Variants in DCDC1 observed in about 807,000 individuals in gnomAD.
DCDC1 encodes the protein doublecortin domain-containing protein 1.
Under a neutral mutation model 178.3 loss-of-function variants are expected in DCDC1, and 200 were observed. That is an observed-to-expected ratio of 1.12 (90% confidence interval 1.00 to 1.26). DCDC1 has a LOEUF of 1.26. Ranked by LOEUF, DCDC1 falls within the 50% of genes most tolerant of loss-of-function variation. DCDC1 has a pLI of 0.00. For synonymous variants in DCDC1, 690 were observed against 604.8 expected (o/e 1.14, Z -2.07); for missense variants, 1,983 against 1,749.2 (o/e 1.13, Z -2.38).
intron 9 of DCDC1, among the ~76,000 whole-genome samples, chr11:31,166,624 C>G (rs1190351167): frequency 6.6e-6 from 1 of 151,420 alleles, no homozygotes; most frequent in African/African-American, 2.4e-5. Flanking sequence ...ATATGTGGGT[C>G]ATCATTTTTT....
At chr11:31,293,747 G>A (rs77130962) in intron 6 of DCDC1, among the ~76,000 whole-genome samples, 162 of 152,228 alleles carry the variant, frequency 1.1e-3, no homozygotes, top group African/African-American at 3.7e-3. Flanking sequence ...ATTTACAGTT[G>A]AGAAAACTGA....
chr11:31,263,359 A>T (rs577268923), intron 8 of DCDC1, among the ~76,000 whole-genome samples: 104 of 152,176 alleles, frequency 6.8e-4, no homozygotes, highest in Non-Finnish European at 1.0e-3. Flanking sequence ...ACAAAAATGC[A>T]AGAAAGAAAG....
rs11407483 is a variant in DCDC1 at position 31,310,308 on chromosome 11, A to ATTTTTTTTTTT, written c.165-2411_165-2401dup. ...GAGGACAGGTTTTCAGTAATTCTTG[A>ATTTTTTTTTTT]TTTTTTTTTTTTTTTTTTTTTTTTT... On this transcript the variant is annotated intron_variant, in intron 3 of 38. Transcript: ENST00000684477. 2.0e-4 allele frequency among the ~76,000 whole-genome samples: 11 copies of ATTTTTTTTTTT among 53,882 alleles called. 1 individual carries two copies. The highest frequency in any genetic ancestry group is 7.7e-4 in the African/African-American group (9 of 11,730). The allele number at this position is 53,882 out of a possible 152,430, so 35.3% of individuals were successfully genotyped here.
At chr11:31,182,033 C>T (rs1249486345) in intron 9 of DCDC1, among the ~76,000 whole-genome samples, 1 of 151,912 alleles carries the variant, frequency 6.6e-6, no homozygotes. Flanking sequence ...GTGAAAACAA[C>T]ATTACAGAAA....
chr11:31,239,443 T>A (rs541259116), intron 9 of DCDC1, among the ~76,000 whole-genome samples: 4 of 152,086 alleles, frequency 2.6e-5, no homozygotes, highest in Non-Finnish European at 4.4e-5. Context: ...TAAGTCTTAA[T>A]ATAACACTAC....
intron 9 of DCDC1, among the ~76,000 whole-genome samples, chr11:31,185,637 G>C (rs1029040860): frequency 1.3e-5 from 2 of 152,108 alleles, no homozygotes; most frequent in African/African-American, 4.8e-5. Context: ...AAAACAATAT[G>C]TCAAAACCTG....
At chr11:30,958,598 G>A (rs970231297) in intron 20 of DCDC1, among the ~76,000 whole-genome samples, 5 of 152,104 alleles carry the variant, frequency 3.3e-5, no homozygotes, top group African/African-American at 1.2e-4. Flanking sequence ...CTAAGGATCA[G>A]TATATGCAAT....
intron 20 of DCDC1, among the ~76,000 whole-genome samples, chr11:31,009,009 C>T (rs537343566): frequency 4.4e-4 from 67 of 152,022 alleles, no homozygotes; most frequent in African/African-American, 1.5e-3. Context: ...TAATTACTCC[C>T]CTATTCAGGG....
intron 9 of DCDC1, among the ~76,000 whole-genome samples, chr11:31,182,609 A>T (rs181799278): frequency 6.6e-6 from 1 of 152,118 alleles, no homozygotes; most frequent in Non-Finnish European, 1.5e-5. Context: ...AACAACAACA[A>T]CAACAACAAC....
chr11:31,145,914 C>A (rs950594445), intron 9 of DCDC1, among the ~76,000 whole-genome samples: 4 of 152,098 alleles, frequency 2.6e-5, no homozygotes, highest in Admixed American at 2.0e-4. Flanking sequence ...CTTAGTCTAT[C>A]AATACATTAC....
intron 9 of DCDC1, among the ~76,000 whole-genome samples, chr11:31,198,476 AC>A (rs1970942561): frequency 6.6e-6 from 1 of 152,078 alleles, no homozygotes; most frequent in Non-Finnish European, 1.5e-5. Context: ...TGAGAAAATA[AC>A]AGCAGGCCAC....
chr11:30,932,744 C>T (rs1326884795), intron 21 of DCDC1, among the ~76,000 whole-genome samples: 1 of 151,972 alleles, frequency 6.6e-6, no homozygotes, highest in Non-Finnish European at 1.5e-5. Context: ...CTGAAGCCTT[C>T]GTAGGAGTTA....
intron 29 of DCDC1, among the ~76,000 whole-genome samples, chr11:30,907,827 GT>G (rs1945174770): frequency 6.6e-6 from 1 of 152,230 alleles, no homozygotes; most frequent in Non-Finnish European, 1.5e-5. Flanking sequence ...CAAAAAATGG[GT>G]TTTTTATTTA....
At chr11:31,262,154 C>T (rs543564382) in intron 8 of DCDC1, among the ~76,000 whole-genome samples, 1 of 152,118 alleles carries the variant, frequency 6.6e-6, no homozygotes, top group South Asian at 2.1e-4. Flanking sequence ...GTAATCCCAG[C>T]TACTGGAGAG....
At chr11:31,295,275 T>C (rs987635971) in intron 6 of DCDC1, among the ~76,000 whole-genome samples, 4 of 152,218 alleles carry the variant, frequency 2.6e-5, no homozygotes, top group African/African-American at 7.2e-5. Flanking sequence ...AGCTCTTTTT[T>C]TCTGAGTATT....
chr11:30,888,775 T>C (rs273575), intron 36 of DCDC1, among the ~76,000 whole-genome samples: 18,288 of 152,244 alleles, frequency 0.12, 1,214 homozygotes, highest in Admixed American at 0.2. Context: ...ATTCTGTTTT[T>C]CAAATGTATC....
chr11:30,950,272 T>C (rs1948339895), intron 21 of DCDC1, among the ~76,000 whole-genome samples: 1 of 152,198 alleles, frequency 6.6e-6, no homozygotes, highest in Non-Finnish European at 1.5e-5. Flanking sequence ...ACAGCCATTA[T>C]GGAGAACAGT....
rs550461554 is a variant in DCDC1, at chr11:31,128,973, A to G, written c.1315-1334T>C. 1.3e-4 allele frequency among the ~76,000 whole-genome samples: 18 copies of G among 138,340 alleles called. 1 individual carries two copies. The South Asian group carries it at 1.8e-3, about 14-fold the overall frequency. The allele number at this position is 138,340 out of a possible 152,430, so 90.8% of individuals were successfully genotyped here. A position where few individuals can be genotyped will look rare whatever the true frequency, so the allele number is the denominator to read the frequency against. On this transcript the variant is annotated intron_variant, in intron 10 of 38. Coordinates refer to ENST00000684477, the MANE Select transcript of DCDC1 (RefSeq NM_001387274.1). Reference sequence around the variant, plus strand: ...TGTGTAGATCCTACAGCTCATTTCAATATTCACAGATAAAATGGAAAATCC... The same window carrying G: ...TGTGTAGATCCTACAGCTCATTTCAGTATTCACAGATAAAATGGAAAATCC...
At chr11:31,220,942 T>C (rs1209493655) in intron 9 of DCDC1, among the ~76,000 whole-genome samples, 2 of 152,158 alleles carry the variant, frequency 1.3e-5, no homozygotes, top group Non-Finnish European at 2.9e-5. Context: ...GTGCCTCTTC[T>C]GATAAGGACA....
Sources: allele counts gnomAD v4.1 joint callset (sites outside exome capture counted in the v4.1 genomes callset), GRCh38; gene constraint gnomAD v4.1.1; transcripts MANE v1.5; gene names NCBI Gene and HGNC (gene_info 2026-07-23, HGNC 2026-07-21).